Variants in OCM observed in about 807,000 individuals in gnomAD.
OCM encodes the protein oncomodulin, also known as oncomodulin-1.
In OCM, 18 loss-of-function variants were observed where a neutral mutation model predicts 14.1. That is an observed-to-expected ratio of 1.28 (90% CI 0.88 to 1.89). The LOEUF (loss-of-function observed/expected upper bound fraction) is 1.89. Among genes scored for constraint, OCM ranks in the 40% most tolerant of loss-of-function variants. The probability of loss-of-function intolerance (pLI) is 0.00; values close to 1 mark genes in which losing one functional copy is unlikely to be tolerated. For missense variants in OCM, 140 were observed against 137.6 expected (o/e 1.02, Z -0.09); for synonymous variants, 48 against 51.0 (o/e 0.94, Z 0.25).
At chr7:5,870,513 G>C in the OCM span, among the ~76,000 whole-genome samples, 1 of 152,160 alleles carries the variant, frequency 6.6e-6, no homozygotes, top group Non-Finnish European at 1.5e-5. Flanking sequence ...TCTGTGCTCT[G>C]TGTCTTACAA....
the OCM span, among the ~76,000 whole-genome samples, chr7:5,859,846 C>T: frequency 6.6e-6 from 1 of 151,858 alleles, no homozygotes; most frequent in African/African-American, 2.4e-5. Flanking sequence ...TACAGGCGCC[C>T]GCCTATAATT....
chr7:5,875,282 C>T (rs1410935732), upstream of OCM, among the ~76,000 whole-genome samples: 2 of 151,910 alleles, frequency 1.3e-5, no homozygotes, highest in Non-Finnish European at 2.9e-5. Flanking sequence ...GTCTCGAACT[C>T]CGGACCTCAG....
chr7:5,874,059 TA>T, the OCM span, among the ~76,000 whole-genome samples: 172 of 131,784 alleles, frequency 1.3e-3, no homozygotes, highest in East Asian at 1.3e-3. Context: ...CTACTAAAAA[TA>T]AAAAAAAAAA....
upstream of OCM, among the ~76,000 whole-genome samples, chr7:5,876,486 G>A (rs1781098420): frequency 6.6e-6 from 1 of 152,150 alleles, no homozygotes; most frequent in South Asian, 2.1e-4. Context: ...GCGAGGTGAT[G>A]CTGGTTGGGA....
chr7:5,860,540 T>C, the OCM span, among the ~76,000 whole-genome samples: 7 of 96,816 alleles, frequency 7.2e-5, 1 homozygote, highest in South Asian at 4.0e-4. Flanking sequence ...GTATATATAT[T>C]ACGTATATAT....
chr7:5,861,169 C>T, the OCM span, among the ~76,000 whole-genome samples: 4 of 152,152 alleles, frequency 2.6e-5, no homozygotes, highest in East Asian at 7.7e-4. Context: ...CGCCTGTAAT[C>T]CCAGCACTTT....
At chr7:5,867,710 G>T in the OCM span, among the ~76,000 whole-genome samples, 1 of 151,638 alleles carries the variant, frequency 6.6e-6, no homozygotes, top group African/African-American at 2.4e-5. Flanking sequence ...GTTTCAGCTT[G>T]TATCTTTTCT....
upstream of OCM, among the ~76,000 whole-genome samples, chr7:5,877,037 C>G (rs1781109297): frequency 6.6e-6 from 1 of 152,142 alleles, no homozygotes; most frequent in African/African-American, 2.4e-5. Flanking sequence ...AACTCCCAAC[C>G]TCAGGTGATC....
chr7:5,885,114 C>A (rs1458879833), intron 3 of OCM, among the ~76,000 whole-genome samples: 2 of 71,306 alleles, frequency 2.8e-5, no homozygotes, highest in Non-Finnish European at 5.6e-5. Flanking sequence ...GAGTGAAACT[C>A]TATCTCAAAA....
chr7:5,868,184 C>T, the OCM span, among the ~76,000 whole-genome samples: 1 of 151,844 alleles, frequency 6.6e-6, no homozygotes, highest in Non-Finnish European at 1.5e-5. Context: ...GAGACAGGGC[C>T]TACCAAGGCT....
At chr7:5,871,044 C>A in the OCM span, among the ~76,000 whole-genome samples, 78 of 151,976 alleles carry the variant, frequency 5.1e-4, no homozygotes, top group African/African-American at 1.8e-3. Flanking sequence ...CATGGTGATC[C>A]ACAAATTAAA....
At chr7:5,881,075 T>C in intron 1 of OCM, 125 bp downstream of exon 1, 3 of 913,436 alleles carry the variant, frequency 3.3e-6, no homozygotes, top group South Asian at 3.0e-5. Flanking sequence ...TCCCAGCACT[T>C]TGGGAGGCCG....
At chr7:5,880,328 A>AT (rs113866827), upstream of OCM, among the ~76,000 whole-genome samples, 5,786 of 149,852 alleles carry the variant, frequency 0.039, 135 homozygotes, top group Middle Eastern at 0.059. Flanking sequence ...TCTTTGGGTC[A>AT]TTTTTTTTTT....
the OCM span, among the ~76,000 whole-genome samples, chr7:5,874,350 T>C: frequency 6.6e-6 from 1 of 151,874 alleles, no homozygotes; most frequent in Non-Finnish European, 1.5e-5. Flanking sequence ...TTAAAAATGG[T>C]TAATATATAC....
chr7:5,873,847 T>C, the OCM span, among the ~76,000 whole-genome samples: 1 of 151,908 alleles, frequency 6.6e-6, no homozygotes, highest in East Asian at 1.9e-4. Context: ...TGAAAGTGGG[T>C]CCACGGTGCT....
the OCM span, among the ~76,000 whole-genome samples, chr7:5,864,658 A>T: frequency 3.3e-5 from 5 of 152,112 alleles, no homozygotes; most frequent in African/African-American, 7.2e-5. Context: ...AGTTCTCATT[A>T]GAATAAATCA....
At chr7:5,875,204 A>G (rs1420765502), upstream of OCM, among the ~76,000 whole-genome samples, 2 of 151,798 alleles carry the variant, frequency 1.3e-5, no homozygotes, top group Non-Finnish European at 1.5e-5. Context: ...ACAGACACCC[A>G]CCACCATGCC....
chr7:5,882,842 T>A (rs1313408968), intron 2 of OCM, among the ~76,000 whole-genome samples: 8 of 6,690 alleles, frequency 1.2e-3, no homozygotes, highest in African/African-American at 7.5e-3. Context: ...CAAAGATTCT[T>A]TTTTTTTTTT....
chr7:5,880,398 G>A (rs1321071977), upstream of OCM, among the ~76,000 whole-genome samples: 1 of 151,758 alleles, frequency 6.6e-6, no homozygotes, highest in Non-Finnish European at 1.5e-5. Flanking sequence ...GGTGTTTTCC[G>A]TATCTGGTTT....
Sources: allele counts gnomAD v4.1 joint callset (sites outside exome capture counted in the v4.1 genomes callset), GRCh38; gene constraint gnomAD v4.1.1; transcripts MANE v1.5; gene names NCBI Gene and HGNC (gene_info 2026-07-23, HGNC 2026-07-21).